The following MID1 variants were observed in gnomAD, a reference collection of about 807,000 sequenced individuals.
The protein encoded by MID1 is E3 ubiquitin-protein ligase Midline-1.
A neutral mutation model predicts 40.4 loss-of-function variants in MID1; 7 were observed. That is an observed-to-expected ratio of 0.17 (90% CI 0.10 to 0.33). MID1 has a LOEUF of 0.33. Among genes scored for constraint, MID1 ranks in the 10% least tolerant of loss-of-function variants. The probability of loss-of-function intolerance (pLI) is 1.00; values close to 1 mark genes in which losing one functional copy is unlikely to be tolerated. For missense variants in MID1, 367 were observed against 558.5 expected, an observed-to-expected ratio of 0.66 and a Z score of 3.46; for synonymous variants, 229 against 221.2, an observed-to-expected ratio of 1.04 and a Z score of -0.31.
At chrX:10,670,431 G>T (rs2042980476) in intron 1 of MID1, among the ~76,000 whole-genome samples, 1 of 110,838 alleles carries the variant, frequency 9.0e-6, no homozygotes, top group Admixed American at 9.6e-5. Flanking sequence ...AAATAAAAGA[G>T]AATGTAAAAA....
chrX:10,750,746 C>G (rs1013959080), intron 1 of MID1, among the ~76,000 whole-genome samples: 1 of 111,831 alleles, frequency 8.9e-6, no homozygotes, highest in African/African-American at 3.3e-5. Context: ...CGGCCATTTT[C>G]AGACTTGCTA....
At chrX:10,754,610 G>A (rs2043620898) in intron 1 of MID1, among the ~76,000 whole-genome samples, 1 of 111,014 alleles carries the variant, frequency 9.0e-6, no homozygotes, top group Non-Finnish European at 1.9e-5. Flanking sequence ...GATCAATTAA[G>A]CCTTCCCTCC....
At chrX:10,458,865 G>A (rs1377893783) in intron 8 of MID1, among the ~76,000 whole-genome samples, 2 of 111,469 alleles carry the variant, frequency 1.8e-5, no homozygotes, top group African/African-American at 6.5e-5. Flanking sequence ...GCGCCATACC[G>A]ACACACTCCA....
chrX:10,658,034 C>G (rs1358613021), intron 1 of MID1, among the ~76,000 whole-genome samples: 5 of 111,445 alleles, frequency 4.5e-5, no homozygotes, highest in Non-Finnish European at 1.9e-5. Context: ...TCTTTTGAGA[C>G]AGTGAGCAAT....
intron 1 of MID1, among the ~76,000 whole-genome samples, chrX:10,601,902 T>G (rs1426416649): frequency 2.2e-5 from 2 of 90,307 alleles, no homozygotes; most frequent in South Asian, 4.7e-4. Context: ...TTTGTTTTTG[T>G]TTTTTTTTTT....
chrX:10,754,231 C>T (rs1330998072), intron 1 of MID1, among the ~76,000 whole-genome samples: 2 of 111,422 alleles, frequency 1.8e-5, no homozygotes, highest in African/African-American at 3.3e-5. Context: ...GAACTGAAGA[C>T]ATTTTTGGAT....
intron 1 of MID1, among the ~76,000 whole-genome samples, chrX:10,693,662 A>G (rs2043144722): frequency 8.9e-6 from 1 of 111,790 alleles, no homozygotes; most frequent in Non-Finnish European, 1.9e-5. Context: ...ACATGTTGAT[A>G]TTTAAAATCT....
At chrX:10,795,931 C>T (rs190056651) in intron 1 of MID1, among the ~76,000 whole-genome samples, 4,378 of 111,575 alleles carry the variant, frequency 0.039, 191 homozygotes, top group African/African-American at 0.13. Flanking sequence ...GTCTAAATCT[C>T]GTGACCCATA....
chrX:10,642,999 A>C (rs757535090), intron 1 of MID1, among the ~76,000 whole-genome samples: 1 of 112,016 alleles, frequency 8.9e-6, no homozygotes, highest in Non-Finnish European at 1.9e-5. Flanking sequence ...CTTACATCTT[A>C]TACAAAAATT....
At chrX:10,801,973 G>A (rs924835193) in intron 1 of MID1, among the ~76,000 whole-genome samples, 1 of 110,973 alleles carries the variant, frequency 9.0e-6, no homozygotes, top group East Asian at 2.8e-4. Context: ...CACAAGGTCA[G>A]GAGATTGAGA....
At chrX:10,833,441 G>C (rs1266669938) in intron 1 of MID1, 1 of 112,424 alleles carries the variant, frequency 8.9e-6, no homozygotes, top group Non-Finnish European at 1.9e-5. Flanking sequence ...ATTTGTTCAG[G>C]AAGGAGCTGT....
chrX:10,588,903 C>G (rs1416179077), intron 1 of MID1, among the ~76,000 whole-genome samples: 2 of 111,754 alleles, frequency 1.8e-5, no homozygotes, highest in East Asian at 2.8e-4. Flanking sequence ...GCTGGCCAGT[C>G]TATTTCACAC....
chrX:10,770,899 G>A (rs113036137), intron 1 of MID1, among the ~76,000 whole-genome samples: 11,337 of 109,797 alleles, frequency 0.1, 1,454 homozygotes, highest in African/African-American at 0.36. Context: ...AGGTCAGGAG[G>A]TCGAGACCAT....
chrX:10,610,216 GC>G (rs1282906553), intron 1 of MID1, among the ~76,000 whole-genome samples: 1 of 112,176 alleles, frequency 8.9e-6, no homozygotes, highest in Non-Finnish European at 1.9e-5. Context: ...CTGGGGCAGT[GC>G]TCTCACACAG....
At chrX:10,586,970 T>C (rs1318378837) in intron 1 of MID1, among the ~76,000 whole-genome samples, 1 of 112,810 alleles carries the variant, frequency 8.9e-6, no homozygotes, top group Non-Finnish European at 1.9e-5. Context: ...TTGGTTGTAA[T>C]AGATGTAGTT....
In MID1 at chrX:10,474,732, T is replaced by C. The variant is rs774936170; in HGVS notation, c.1032A>G (p.Ala344=). 1.7e-6 allele frequency: 2 copies of C among 1,208,174 alleles called. No homozygotes were observed. The highest frequency in any genetic ancestry group is 1.1e-6 in the Non-Finnish European group (1 of 893,594). ...NITERVSMAT[A]SSQVLIPEIN... ...TTTCAGGAATTAGAACCTGGGAGGA[T>C]GCAGTTGCCATGGAGACTCTGTAAT... Residue 344 remains alanine (A), a synonymous_variant, in exon 6 of 10, where the codon GCA becomes GCG. Transcript: ENST00000317552.
At chrX:10,581,053 AGCCTG>A (rs777699329) in intron 1 of MID1, among the ~76,000 whole-genome samples, 150 of 110,315 alleles carry the variant, frequency 1.4e-3, no homozygotes, top group African/African-American at 4.7e-3. Context: ...GTTCGAGACC[AGCCTG>A]GCCAATGTAG....
chrX:10,718,362 G>A (rs189166998), intron 1 of MID1, among the ~76,000 whole-genome samples: 2,131 of 111,461 alleles, frequency 0.019, 50 homozygotes, highest in African/African-American at 0.066. Flanking sequence ...TGATAAAGGG[G>A]ATATCACCAC....
At chrX:10,550,738 T>A (rs964804805) in intron 2 of MID1, among the ~76,000 whole-genome samples, 11 of 111,840 alleles carry the variant, frequency 9.8e-5, no homozygotes, top group African/African-American at 3.6e-4. Flanking sequence ...TGGATGACTA[T>A]CTGTCTGGGG....
Sources: gnomAD v4.1 joint callset for allele counts (sites outside exome capture counted in the v4.1 genomes callset) on GRCh38, gnomAD v4.1.1 for gene constraint, MANE v1.5 for transcripts, NCBI Gene and HGNC (gene_info 2026-07-23, HGNC 2026-07-21) for gene names.